The following TMEM9 variants were observed in gnomAD, a reference collection of about 807,000 sequenced individuals.
The protein encoded by TMEM9 is transmembrane protein 9.
In TMEM9, 13 loss-of-function variants were observed where a neutral mutation model predicts 22.8. The ratio of observed to expected loss-of-function variants is 0.57; its 90% CI spans 0.37 to 0.91. The LOEUF is 0.91. Ranked by LOEUF, TMEM9 falls within the 40% of genes least tolerant of loss-of-function variation. The pLI is 0.01. For missense variants in TMEM9, 182 were observed against 238.1 expected (o/e 0.76, Z 1.55); for synonymous variants, 88 against 93.0 (o/e 0.95, Z 0.31).
intron 1 of TMEM9, among the ~76,000 whole-genome samples, chr1:201,169,465 A>G (rs1474214269): frequency 6.6e-6 from 1 of 152,204 alleles, no homozygotes; most frequent in Non-Finnish European, 1.5e-5. Flanking sequence ...TTACGGACAC[A>G]TGCTCCAAGG....
At position 201,139,858 on chromosome 1, in the gene TMEM9, T is replaced by C. The variant is rs1242201503; in HGVS notation, c.399+3962A>G. On this transcript the variant is annotated intron_variant, in intron 4 of 4. Coordinates refer to ENST00000367330, the MANE Select transcript of TMEM9 (RefSeq NM_001288565.2). ...TAAACCAGGAGGTTAGCACCAAGGA[T>C]AGTAAATGGCAGGGCTCGGCCCCTC... is the stretch of plus-strand genomic sequence containing the variant. Among the ~76,000 whole-genome samples the C allele has an allele frequency of 1.0e-4, 15 of 149,764 alleles. No homozygotes were observed. In the Admixed American group the frequency reaches 1.0e-3, roughly 10 times the overall value.
At chr1:201,163,547 G>A (rs1441469504) in intron 1 of TMEM9, among the ~76,000 whole-genome samples, 2 of 152,102 alleles carry the variant, frequency 1.3e-5, no homozygotes, top group African/African-American at 2.4e-5. Context: ...CCAAGATCAC[G>A]CCACTGCACT....
At chr1:201,151,732 C>G in intron 2 of TMEM9, 29 bp downstream of exon 2, 2 of 1,565,552 alleles carry the variant, frequency 1.3e-6, no homozygotes, top group South Asian at 2.2e-5. Flanking sequence ...CTGGGTATAG[C>G]AGCCAGGGGC....
chr1:201,141,122 A>G (rs1470994380), intron 4 of TMEM9, among the ~76,000 whole-genome samples: 1 of 152,050 alleles, frequency 6.6e-6, no homozygotes, highest in Non-Finnish European at 1.5e-5. Context: ...AGACTAACAC[A>G]ACGAGAAGGG....
intron 1 of TMEM9, among the ~76,000 whole-genome samples, chr1:201,159,872 T>G (rs1027713692): frequency 6.6e-6 from 1 of 152,252 alleles, no homozygotes; most frequent in Admixed American, 6.5e-5. Context: ...AGACCCAGTT[T>G]ATGTCAGGCA....
At position 201,154,069 on chromosome 1, in the gene TMEM9, C is replaced by T. The variant is rs1665654204; in HGVS notation, c.-146G>A. On this transcript the variant is annotated 5_prime_UTR_variant, in exon 1 of 5. Coordinates refer to ENST00000367330, the MANE Select transcript of TMEM9 (RefSeq NM_001288565.2). Reference sequence around the variant, plus strand: ...GGGAATGGGGTTGGGGGCTGGGCTCCAGGATTCCAAGGCCTGCTAAACCTG... The same window carrying T: ...GGGAATGGGGTTGGGGGCTGGGCTCTAGGATTCCAAGGCCTGCTAAACCTG... The T allele has an allele frequency of 2.1e-6, 2 of 974,022 alleles. No homozygotes were observed. The highest frequency in any genetic ancestry group is 1.7e-5 in the African/African-American group (1 of 60,204). The allele number at this position is 974,022 out of a possible 1,614,324, so 60.3% of individuals were successfully genotyped here.
At chr1:201,154,700 C>A (rs1040767293), upstream of TMEM9, among the ~76,000 whole-genome samples, 1 of 152,206 alleles carries the variant, frequency 6.6e-6, no homozygotes, top group Non-Finnish European at 1.5e-5. Context: ...ACTCCCACTG[C>A]GGTGCTTCTC....
chr1:201,151,099 C>T (rs1167336750), intron 2 of TMEM9, among the ~76,000 whole-genome samples: 2 of 152,192 alleles, frequency 1.3e-5, no homozygotes, highest in Admixed American at 6.5e-5. Context: ...TGTCCCACCT[C>T]CCATAACATG....
intron 4 of TMEM9, among the ~76,000 whole-genome samples, chr1:201,136,943 AG>A (rs978697657): frequency 6.6e-6 from 1 of 152,226 alleles, no homozygotes; most frequent in African/African-American, 2.4e-5. Context: ...GCTGGGGCGA[AG>A]GGGGGTGGTG....
rs764532125 is a variant in TMEM9, at chr1:201,153,873, T to A, written c.51A>T (p.Pro17=). 1 of 1,614,108 alleles carries A rather than the reference T, an allele frequency of 6.2e-7. No homozygotes were observed. The highest frequency in any genetic ancestry group is 8.5e-7 in the Non-Finnish European group (1 of 1,179,998). ...VAVVGCLLVP[P]AEANKSSEDI... ...CCTCCCTCACCTTGTTGGCTTCAGC[T>A]GGGGGCACCAGCAAACACCCGACCA... The change falls in exon 1 of 5, where the codon CCA becomes CCT. Residue 17 remains proline (P), a synonymous_variant. Coordinates refer to ENST00000367330, the MANE Select transcript of TMEM9 (RefSeq NM_001288565.2).
In TMEM9 at chr1:201,143,928, G is replaced by T. The variant is rs748690516; in HGVS notation, c.291C>A (p.Ser97=). ...TGTAGAGCAACAGGGCACCCACCAC[G>T]GACAGGTAGATGACAATGATGACCT... ...TIKVIIVIYL[S]VVGALLLYMA... Residue 97 remains serine (S), a synonymous_variant, in exon 4 of 5, where the codon TCC becomes TCA. Coordinates refer to ENST00000367330, the MANE Select transcript of TMEM9 (RefSeq NM_001288565.2). The T allele has an allele frequency of 2.5e-6, 4 of 1,613,972 alleles. No individual in the cohort carries two copies. In the African/African-American group the frequency reaches 5.3e-5, roughly 22 times the overall value.
In TMEM9 at chr1:201,135,527, GAGA is replaced by G; in HGVS notation, c.*133_*135del. 4 of 880,766 alleles carry G rather than the reference GAGA, an allele frequency of 4.5e-6. No individual in the cohort carries two copies. The South Asian group carries it at 6.7e-5, about 15-fold the overall frequency. 54.6% of individuals were successfully genotyped at this position (880,766 alleles called of 1,614,324 possible). Reference sequence around the variant, plus strand: ...CAAGTACAACATTTCTAAAGTTAGGGAGAAGGAGGAAAAATGCCACAGGCTTTT... The same window carrying G: ...CAAGTACAACATTTCTAAAGTTAGGGAGGAGGAAAAATGCCACAGGCTTTT... On this transcript the variant is annotated 3_prime_UTR_variant, in exon 5 of 5. Coordinates refer to ENST00000367330, the MANE Select transcript of TMEM9 (RefSeq NM_001288565.2).
intron 3 of TMEM9, among the ~76,000 whole-genome samples, chr1:201,145,906 G>A (rs1664916723): frequency 6.6e-6 from 1 of 152,216 alleles, no homozygotes; most frequent in Non-Finnish European, 1.5e-5. Context: ...GAGCTGCAGT[G>A]AGCTGTGATC....
At chr1:201,136,770 A>G (rs1056592315) in intron 4 of TMEM9, among the ~76,000 whole-genome samples, 1 of 151,726 alleles carries the variant, frequency 6.6e-6, no homozygotes, top group Admixed American at 6.6e-5. Context: ...CCAGGCCCAC[A>G]CCCCCGTGGG....
chr1:201,152,164 GTGTGT>G (rs1665483201), intron 1 of TMEM9, among the ~76,000 whole-genome samples: 21 of 71,036 alleles, frequency 3.0e-4, no homozygotes, highest in African/African-American at 1.1e-3. Flanking sequence ...GGAAATGGGT[GTGTGT>G]GTGTGTGTGT....
rs1433279361 is a variant in TMEM9 at position 201,135,464 on chromosome 1, G to C, written c.*199C>G. On this transcript the variant is annotated 3_prime_UTR_variant, in exon 5 of 5. Coordinates refer to ENST00000367330, the MANE Select transcript of TMEM9 (RefSeq NM_001288565.2). ...CCCAAAGACCCAAGAAGACAACAGA[G>C]ATCAGAGACCACATCCCTCTTCCCT... 7.8e-6 allele frequency: 4 copies of C among 513,334 alleles called. No individual in the cohort carries two copies. The highest frequency in any genetic ancestry group is 1.3e-5 in the Non-Finnish European group (4 of 304,508). 31.8% of individuals were successfully genotyped at this position (513,334 alleles called of 1,614,324 possible). A position where few individuals can be genotyped will look rare whatever the true frequency, so the allele number is the denominator to read the frequency against.
At chr1:201,165,180 T>TATATATG in intron 1 of TMEM9, among the ~76,000 whole-genome samples, 1 of 108,828 alleles carries the variant, frequency 9.2e-6, no homozygotes, top group African/African-American at 3.6e-5. Context: ...ATATATATAT[T>TATATATG]CATTATCATG....
In TMEM9 at chr1:201,135,526, G is replaced by A. The variant is rs1663908831; in HGVS notation, c.*137C>T. 1 of 868,902 alleles carries A rather than the reference G, an allele frequency of 1.2e-6. No homozygotes were observed. The highest frequency in any genetic ancestry group is 1.7e-6 in the Non-Finnish European group (1 of 593,078). 53.8% of individuals were successfully genotyped at this position (868,902 alleles called of 1,614,324 possible). A position where few individuals can be genotyped will look rare whatever the true frequency, so the allele number is the denominator to read the frequency against. On this transcript the variant is annotated 3_prime_UTR_variant, in exon 5 of 5. Coordinates refer to ENST00000367330, the MANE Select transcript of TMEM9 (RefSeq NM_001288565.2). ...CCAAGTACAACATTTCTAAAGTTAGGGAGAAGGAGGAAAAATGCCACAGGC... is the reference window on the plus strand; with the variant it reads ...CCAAGTACAACATTTCTAAAGTTAGAGAGAAGGAGGAAAAATGCCACAGGC...
rs79161831 is a variant in TMEM9 at position 201,170,015 on chromosome 1, C to T, written c.-37+1475G>A. 5.0e-4 allele frequency among the ~76,000 whole-genome samples: 56 copies of T among 112,782 alleles called. 1 individual carries two copies. In the East Asian group the frequency reaches 9.7e-3, roughly 20 times the overall value. 74.0% of individuals were successfully genotyped at this position (112,782 alleles called of 152,430 possible). On this transcript the variant is annotated intron_variant, in intron 1 of 5. Coordinates refer to the TMEM9 transcript ENST00000367333. Reference sequence around the variant, plus strand: ...TTTGGTCTTAAGCAACAGAAACTGACCGTTTAAGGAAAAAAAAAGAGTTTG... The same window carrying T: ...TTTGGTCTTAAGCAACAGAAACTGATCGTTTAAGGAAAAAAAAAGAGTTTG...
Sources: gnomAD v4.1 joint callset for allele counts (sites outside exome capture counted in the v4.1 genomes callset) on GRCh38, gnomAD v4.1.1 for gene constraint, MANE v1.5 for transcripts, NCBI Gene and HGNC (gene_info 2026-07-23, HGNC 2026-07-21) for gene names.